TGM3: variants seen among roughly 807,000 people sequenced by gnomAD.
TGM3 encodes the protein protein-glutamine gamma-glutamyltransferase E.
Under a neutral mutation model 73.8 loss-of-function variants are expected in TGM3, and 52 were observed. The observed-to-expected ratio is 0.70, with a 90% CI of 0.56 to 0.89. The LOEUF is 0.89. Ranked by LOEUF, TGM3 falls within the 40% of genes least tolerant of loss-of-function variation. The pLI is 0.00. For missense variants in TGM3, 928 were observed against 909.9 expected (o/e 1.02, Z -0.26); for synonymous variants, 372 against 354.9 (o/e 1.05, Z -0.54).
intron 5 of TGM3, among the ~76,000 whole-genome samples, chr20:2,315,977 G>A (rs78903289): frequency 6.6e-6 from 1 of 152,254 alleles, no homozygotes; most frequent in African/African-American, 2.4e-5. Flanking sequence ...CCTCTTCAAG[G>A]CTGGTGTCAT....
intron 12 of TGM3, 79 bp from the exon 13 acceptor site, chr20:2,340,355 G>A: frequency 6.3e-7 from 1 of 1,579,722 alleles, no homozygotes; most frequent in Non-Finnish European, 8.6e-7. Context: ...ATCAGAACAG[G>A]ACAGGAGGTC....
At position 2,340,850 on chromosome 20, in the gene TGM3, G is replaced by C. The variant is rs1450131628; in HGVS notation, c.*269G>C. 1.7e-6 allele frequency: 1 copy of C among 596,232 alleles called. No homozygotes were observed. The highest frequency in any genetic ancestry group is 2.2e-5 in the Admixed American group (1 of 46,510). 36.9% of individuals were successfully genotyped at this position (596,232 alleles called of 1,614,324 possible). Reference sequence around the variant, plus strand: ...CCTGCTCTGTGAGCCCCACAGCCCTGCTCATTCCTCACGCCCTTCAATGCT... The same window carrying C: ...CCTGCTCTGTGAGCCCCACAGCCCTCCTCATTCCTCACGCCCTTCAATGCT... On this transcript the variant is annotated 3_prime_UTR_variant, in exon 13 of 13. Transcript: ENST00000381458.
chr20:2,338,678 T>C (rs1294446640), intron 11 of TGM3, among the ~76,000 whole-genome samples: 2 of 152,206 alleles, frequency 1.3e-5, no homozygotes, highest in African/African-American at 4.8e-5. Context: ...CACTGTAAAA[T>C]GGTTGCTCTG....
intron 9 of TGM3, among the ~76,000 whole-genome samples, chr20:2,331,500 C>T (rs1363766947): frequency 6.6e-6 from 1 of 152,194 alleles, no homozygotes; most frequent in African/African-American, 2.4e-5. Flanking sequence ...AATGTCACTC[C>T]TTGACTCTCA....
At chr20:2,304,712 G>A (rs549595980) in intron 1 of TGM3, among the ~76,000 whole-genome samples, 5 of 152,172 alleles carry the variant, frequency 3.3e-5, no homozygotes, top group Middle Eastern at 6.8e-3. Flanking sequence ...CATACCAAGC[G>A]ATTTGCAGTG....
In TGM3 at chr20:2,325,948, C is replaced by A; in HGVS notation, c.1083C>A (p.Ser361Arg). The A allele has an allele frequency of 6.3e-7, 1 of 1,590,468 alleles. No homozygotes were observed. Residue 361 changes from serine (S) to arginine (R), a missense_variant, in exon 8 of 13, where the codon AGC becomes AGA. Transcript: ENST00000381458. ...TGGATGCTACCCCGCAGGAAAGAAG[C>A]CAAGGTAACTTCTCTGGGTGTGGTT... ...QVLDATPQERSQGVFQCGPAS... is the reference protein window; with the variant it reads ...QVLDATPQERRQGVFQCGPAS...
intron 1 of TGM3, among the ~76,000 whole-genome samples, chr20:2,299,371 C>T: frequency 6.6e-6 from 1 of 152,226 alleles, no homozygotes; most frequent in Non-Finnish European, 1.5e-5. Context: ...CCCGCTTCAT[C>T]CATTCCCAAG....
chr20:2,330,038 G>T (rs2084311737), intron 9 of TGM3, among the ~76,000 whole-genome samples: 2 of 151,886 alleles, frequency 1.3e-5, no homozygotes. Flanking sequence ...GAATGGGCAG[G>T]TCCGTTGTGG....
chr20:2,325,727 A>C (rs2084283432), intron 7 of TGM3, 122 bp from the exon 8 acceptor site: 1 of 726,166 alleles, frequency 1.4e-6, no homozygotes, highest in Non-Finnish European at 2.4e-6. Context: ...AACCGCCGTC[A>C]CAGGGCAAAC....
chr20:2,306,393 A>G (rs1028190425), intron 1 of TGM3, among the ~76,000 whole-genome samples: 1 of 152,040 alleles, frequency 6.6e-6, no homozygotes, highest in Admixed American at 6.5e-5. Context: ...CATGTTCCAT[A>G]GAGTTCCTGT....
intron 1 of TGM3, among the ~76,000 whole-genome samples, chr20:2,300,639 G>C (rs1027969538): frequency 6.6e-6 from 1 of 152,294 alleles, no homozygotes; most frequent in Middle Eastern, 3.4e-3. Flanking sequence ...TTGATATTGA[G>C]TAAGTGACTT....
chr20:2,309,688 G>A lies in TGM3; in HGVS notation c.39G>A (p.Thr13=), dbSNP rs140144690. The A allele has an allele frequency of 5.9e-5, 96 of 1,614,008 alleles. 1 individual carries two copies. The African/African-American group carries it at 1.1e-3, about 18-fold the overall frequency. The change falls in exon 2 of 13, where the codon ACG becomes ACA. Residue 13 remains threonine (T), a synonymous_variant. Transcript: ENST00000381458. ...ALGVQSINWQ[T]AFNRQAHHTD... ...GAGTCCAGAGTATCAACTGGCAGAC[G>A]GCCTTCAACCGACAAGCGCATCACA...
At chr20:2,323,573 TG>T (rs1389912654) in intron 7 of TGM3, among the ~76,000 whole-genome samples, 1 of 152,254 alleles carries the variant, frequency 6.6e-6, no homozygotes, top group African/African-American at 2.4e-5. Flanking sequence ...TTCCCTGATG[TG>T]GACTTACTGG....
chr20:2,317,381 G>C lies in TGM3; in HGVS notation c.879G>C (p.Val293=), dbSNP rs1341480522. The change falls in exon 7 of 13, where the codon GTG becomes GTC. Residue 293 remains valine (V), a synonymous_variant. Transcript: ENST00000381458. ...GGTCTTTGGGGATTCCTTCCCGGGTGATCACCAACTTCAACTCAGCTCATG... is the reference window on the plus strand; with the variant it reads ...GGTCTTTGGGGATTCCTTCCCGGGTCATCACCAACTTCAACTCAGCTCATG... ...ALRSLGIPSR[V]ITNFNSAHDT... 6.2e-7 allele frequency: 1 copy of C among 1,614,072 alleles called. No individual in the cohort carries two copies. The highest frequency in any genetic ancestry group is 8.5e-7 in the Non-Finnish European group (1 of 1,180,032).
chr20:2,330,992 T>G (rs1600706526), intron 9 of TGM3, among the ~76,000 whole-genome samples: 1 of 99,528 alleles, frequency 1.0e-5, no homozygotes. Context: ...GGTGACAGAG[T>G]GAGACCCTGT....
At chr20:2,314,638 A>C (rs893638165) in intron 5 of TGM3, among the ~76,000 whole-genome samples, 5 of 150,848 alleles carry the variant, frequency 3.3e-5, no homozygotes, top group Admixed American at 1.3e-4. Flanking sequence ...GGGGAATTGC[A>C]TGAGTCCGTT....
At chr20:2,311,225 C>G in intron 4 of TGM3, 96 bp downstream of exon 4, 1 of 976,978 alleles carries the variant, frequency 1.0e-6, no homozygotes, top group South Asian at 1.3e-5. Flanking sequence ...CACATCTGTC[C>G]ATCTGCCTGC....
intron 11 of TGM3, among the ~76,000 whole-genome samples, chr20:2,339,385 C>T (rs1364004165): frequency 6.6e-6 from 1 of 152,136 alleles, no homozygotes; most frequent in East Asian, 1.9e-4. Flanking sequence ...ATCTGTAATC[C>T]CAGTGCTTTG....
intron 11 of TGM3, among the ~76,000 whole-genome samples, chr20:2,338,670 C>T (rs997266518): frequency 1.3e-5 from 2 of 152,196 alleles, no homozygotes; most frequent in East Asian, 1.9e-4. Flanking sequence ...AGCTCTGTCA[C>T]TGTAAAATGG....
Sources: allele counts gnomAD v4.1 joint callset (sites outside exome capture counted in the v4.1 genomes callset), GRCh38; gene constraint gnomAD v4.1.1; transcripts MANE v1.5; gene names NCBI Gene and HGNC (gene_info 2026-07-23, HGNC 2026-07-21).